The following AFF3 variants were observed in gnomAD, a reference collection of about 807,000 sequenced individuals.
AFF3 encodes the protein AF4/FMR2 family member 3.
Under a neutral mutation model 129.7 loss-of-function variants are expected in AFF3, and 32 were observed. That is an observed-to-expected ratio of 0.25 (90% confidence interval 0.19 to 0.33). AFF3 has a LOEUF of 0.33. AFF3 is among the 10% of genes least tolerant of loss of function. The probability of loss-of-function intolerance (pLI) is 1.00; values close to 1 mark genes in which losing one functional copy is unlikely to be tolerated. For missense variants in AFF3, 1,373 were observed against 1,592.0 expected (o/e 0.86, Z 2.34); for synonymous variants, 644 against 635.4 (o/e 1.01, Z -0.20).
chr2:100,023,774 A>G (rs888703428), intron 4 of AFF3, among the ~76,000 whole-genome samples: 5 of 152,208 alleles, frequency 3.3e-5, no homozygotes, highest in Non-Finnish European at 7.3e-5. Context: ...TGCTCTGCCA[A>G]GGTAAAATAT....
intron 17 of AFF3, among the ~76,000 whole-genome samples, chr2:99,581,905 A>G (rs1236184160): frequency 7.6e-6 from 1 of 132,114 alleles, no homozygotes; most frequent in Non-Finnish European, 1.5e-5. Flanking sequence ...CCCAGGCTGG[A>G]GTGCAGTGCC....
Position 99,845,673 on chromosome 2 carries a change from T to C in AFF3, c.874-8149A>G, listed in dbSNP as rs889931635. On this transcript the variant is annotated intron_variant, in intron 7 of 24. Coordinates refer to ENST00000672756, the MANE Select transcript of AFF3 (RefSeq NM_001386135.1). Reference sequence around the variant, plus strand: ...GTGTTCTTTCACCTAAAACCCTACGTCGTTAATTTTACCAAGAAGAAGATC... The same window carrying C: ...GTGTTCTTTCACCTAAAACCCTACGCCGTTAATTTTACCAAGAAGAAGATC... Among the ~76,000 whole-genome samples, 20 of 152,204 alleles carry C rather than the reference T, an allele frequency of 1.3e-4. No homozygotes were observed. The East Asian group carries it at 3.5e-3, about 26-fold the overall frequency.
intron 4 of AFF3, among the ~76,000 whole-genome samples, chr2:100,060,885 C>A (rs950313347): frequency 5.9e-5 from 9 of 152,216 alleles, no homozygotes; most frequent in Non-Finnish European, 8.8e-5. Context: ...ACGTTTAGAG[C>A]TCATGGCTCC....
intron 11 of AFF3, chr2:99,707,728 T>G: frequency 4.7e-6 from 4 of 842,522 alleles, no homozygotes; most frequent in Non-Finnish European, 5.7e-6. Context: ...TTTTGGCCAA[T>G]CTTCAGGCTA....
intron 7 of AFF3, among the ~76,000 whole-genome samples, chr2:99,879,976 G>A (rs1692585897): frequency 6.6e-6 from 1 of 152,210 alleles, no homozygotes; most frequent in Admixed American, 6.5e-5. Flanking sequence ...AAGGTGGTCA[G>A]ATGGTTACGT....
At chr2:99,668,940 T>C (rs1270136916) in intron 12 of AFF3, among the ~76,000 whole-genome samples, 2 of 152,154 alleles carry the variant, frequency 1.3e-5, no homozygotes, top group African/African-American at 4.8e-5. Flanking sequence ...AAGATCAGTA[T>C]TACCCTGATA....
At chr2:99,766,291 C>A (rs1683009813) in intron 8 of AFF3, among the ~76,000 whole-genome samples, 1 of 152,218 alleles carries the variant, frequency 6.6e-6, no homozygotes, top group South Asian at 2.1e-4. Flanking sequence ...TCAAATGTTT[C>A]CCAGCTAAAC....
At chr2:99,995,427 C>T (rs542388786) in intron 7 of AFF3, among the ~76,000 whole-genome samples, 2 of 151,842 alleles carry the variant, frequency 1.3e-5, no homozygotes, top group Admixed American at 1.3e-4. Flanking sequence ...GGCTAGAGTG[C>T]AGTGGTGCGA....
chr2:100,054,138 T>C (rs1686579843), intron 4 of AFF3, among the ~76,000 whole-genome samples: 2 of 152,168 alleles, frequency 1.3e-5, no homozygotes, highest in Non-Finnish European at 2.9e-5. Context: ...CATAGGGCTG[T>C]GGAGTGAGAA....
Position 99,963,146 on chromosome 2 carries a change from C to CA in AFF3, c.873+43485dup, listed in dbSNP as rs1031052647. On this transcript the variant is annotated intron_variant, in intron 7 of 24. Transcript: ENST00000672756. ...CAGAAAAAATGTCCCTGACATTTGTCAAATACTGAAAGAAAAGAACTATCA... is the reference window on the plus strand; with the variant it reads ...CAGAAAAAATGTCCCTGACATTTGTCAAAATACTGAAAGAAAAGAACTATCA... Among the ~76,000 whole-genome samples the CA allele has an allele frequency of 2.4e-3, 362 of 151,966 alleles. 2 individuals are homozygous for CA. The highest frequency in any genetic ancestry group is 8.4e-3 in the African/African-American group (348 of 41,500).
intron 8 of AFF3, among the ~76,000 whole-genome samples, chr2:99,785,969 G>A (rs909118581): frequency 4.6e-5 from 7 of 152,080 alleles, no homozygotes; most frequent in African/African-American, 1.2e-4. Context: ...GGCTGGTCTC[G>A]AACTCTTGAC....
At chr2:99,565,738 T>A in intron 19 of AFF3, 115 bp from the exon 20 acceptor site, 1 of 1,168,110 alleles carries the variant, frequency 8.6e-7, no homozygotes, top group Non-Finnish European at 1.2e-6. Context: ...TAAAATCCTA[T>A]GAAGCTGAGA....
chr2:100,047,841 G>A (rs569753884), intron 4 of AFF3, among the ~76,000 whole-genome samples: 1 of 152,186 alleles, frequency 6.6e-6, no homozygotes, highest in Non-Finnish European at 1.5e-5. Flanking sequence ...AAGCCTTTAA[G>A]ATAATATTTA....
chr2:99,937,661 T>A (rs1362017693), intron 7 of AFF3, among the ~76,000 whole-genome samples: 1 of 152,158 alleles, frequency 6.6e-6, no homozygotes, highest in Admixed American at 6.5e-5. Flanking sequence ...CCTCCCAAAG[T>A]GCTGGGATTA....
chr2:100,075,433 G>A (rs753590057), intron 4 of AFF3, among the ~76,000 whole-genome samples: 8 of 152,242 alleles, frequency 5.3e-5, no homozygotes, highest in East Asian at 3.9e-4. Flanking sequence ...TGCAGAAAGT[G>A]CAACAAATTA....
chr2:99,805,092 A>G (rs1424285058), intron 8 of AFF3, among the ~76,000 whole-genome samples: 1 of 152,212 alleles, frequency 6.6e-6, no homozygotes, highest in Non-Finnish European at 1.5e-5. Flanking sequence ...AATAAAATAT[A>G]TGTATTTTAA....
chr2:100,072,930 CGTT>C (rs1041606440), intron 4 of AFF3, among the ~76,000 whole-genome samples: 6 of 152,130 alleles, frequency 3.9e-5, no homozygotes, highest in Non-Finnish European at 5.9e-5. Context: ...CTAGTTCACT[CGTT>C]GATTAAAATA....
At chr2:99,942,181 C>T (rs531914780) in intron 7 of AFF3, among the ~76,000 whole-genome samples, 8 of 152,244 alleles carry the variant, frequency 5.3e-5, no homozygotes, top group African/African-American at 1.7e-4. Context: ...ACACAGCTCA[C>T]GCCCTCAAGC....
At chr2:100,133,945 A>T (rs1692533653) in intron 1 of AFF3, among the ~76,000 whole-genome samples, 1 of 151,154 alleles carries the variant, frequency 6.6e-6, no homozygotes, top group African/African-American at 2.5e-5. Context: ...AAAAATAAAT[A>T]AAATAAAATA....
Sources: gnomAD v4.1 joint callset for allele counts (sites outside exome capture counted in the v4.1 genomes callset) on GRCh38, gnomAD v4.1.1 for gene constraint, MANE v1.5 for transcripts, NCBI Gene and HGNC (gene_info 2026-07-23, HGNC 2026-07-21) for gene names.